Variants in KCNAB1 observed in about 807,000 individuals in gnomAD.
KCNAB1 encodes the protein potassium voltage-gated channel subfamily A regulatory beta subunit 1.
KCNAB1 carries 35 observed loss-of-function variants against 64.6 expected under a neutral mutation model. The observed-to-expected ratio is 0.54, with a 90% CI of 0.41 to 0.72. The LOEUF (loss-of-function observed/expected upper bound fraction) is 0.72. Ranked by LOEUF, KCNAB1 falls within the 30% of genes least tolerant of loss-of-function variation. KCNAB1 has a pLI of 0.00. For synonymous variants in KCNAB1, 177 were observed against 183.8 expected (o/e 0.96, Z 0.30); for missense variants, 401 against 512.9 (o/e 0.78, Z 2.11).
At chr3:156,397,061 G>T (rs1314527363) in intron 1 of KCNAB1, among the ~76,000 whole-genome samples, 1 of 152,214 alleles carries the variant, frequency 6.6e-6, no homozygotes, top group Non-Finnish European at 1.5e-5. Flanking sequence ...GTTCCTTGAA[G>T]CAAGAGAACA....
In KCNAB1 at chr3:156,536,735, C is replaced by A; in HGVS notation, c.1248C>A (p.Asp416Glu). The change falls in exon 14 of 14, where the codon GAC (aspartate) becomes GAA (glutamate). Residue 416 changes from aspartate to glutamate, a missense_variant. Coordinates refer to ENST00000490337, the MANE Select transcript of KCNAB1 (RefSeq NM_172160.3). The part of the protein sequence containing the change: ...ILRNKPYSKK[D>E]YRS ...GCAACAAGCCCTACAGCAAGAAGGA[C>A]TATAGATCATAAGGCAATGCATGAA... The A allele has an allele frequency of 6.2e-7, 1 of 1,607,478 alleles. No individual in the cohort carries two copies. The highest frequency in any genetic ancestry group is 8.5e-7 in the Non-Finnish European group (1 of 1,173,936).
At chr3:156,290,959 C>A (rs1720366076) in intron 1 of KCNAB1, 2 of 985,168 alleles carry the variant, frequency 2.0e-6, no homozygotes, top group African/African-American at 3.5e-5. Context: ...TGTGTTTCAG[C>A]AAGCCAGTCA....
At chr3:156,323,756 C>T (rs1253397523) in intron 1 of KCNAB1, among the ~76,000 whole-genome samples, 1 of 152,138 alleles carries the variant, frequency 6.6e-6, no homozygotes, top group Non-Finnish European at 1.5e-5. Flanking sequence ...CATACCTTGA[C>T]TTTTCTTGGT....
chr3:156,285,866 A>G (rs1183137156), intron 1 of KCNAB1, among the ~76,000 whole-genome samples: 1 of 152,218 alleles, frequency 6.6e-6, no homozygotes, highest in African/African-American at 2.4e-5. Flanking sequence ...TTGAGCATAT[A>G]AAGTGTTATG....
chr3:156,356,268 T>C (rs1283520132), intron 1 of KCNAB1, among the ~76,000 whole-genome samples: 2 of 152,130 alleles, frequency 1.3e-5, no homozygotes, highest in Non-Finnish European at 1.5e-5. Context: ...TCATAATGCA[T>C]AACTTATGGA....
At chr3:156,192,181 CG>C (rs1261190522) in intron 1 of KCNAB1, among the ~76,000 whole-genome samples, 1 of 152,104 alleles carries the variant, frequency 6.6e-6, no homozygotes, top group Non-Finnish European at 1.5e-5. Context: ...TCCATGTTGT[CG>C]CCTGTAGCAT....
chr3:156,464,083 A>G (rs1329814026), intron 6 of KCNAB1, among the ~76,000 whole-genome samples: 1 of 152,186 alleles, frequency 6.6e-6, no homozygotes, highest in African/African-American at 2.4e-5. Context: ...CACAGAAGAA[A>G]AGTCACTCAA....
At chr3:156,495,853 T>C (rs1017738988) in intron 8 of KCNAB1, among the ~76,000 whole-genome samples, 1 of 152,118 alleles carries the variant, frequency 6.6e-6, no homozygotes, top group African/African-American at 2.4e-5. Context: ...ACCCTTAATA[T>C]TAATGTAAGG....
At chr3:156,227,396 A>G (rs142142160) in intron 1 of KCNAB1, among the ~76,000 whole-genome samples, 64 of 152,366 alleles carry the variant, frequency 4.2e-4, no homozygotes, top group Non-Finnish European at 7.2e-4. Flanking sequence ...TGAAATCACA[A>G]TCAATGTTGC....
At chr3:156,312,411 A>G (rs1252322157) in intron 1 of KCNAB1, among the ~76,000 whole-genome samples, 2 of 152,194 alleles carry the variant, frequency 1.3e-5, no homozygotes, top group Non-Finnish European at 2.9e-5. Flanking sequence ...TTTCCCCAAA[A>G]TATGTAAGTA....
intron 1 of KCNAB1, among the ~76,000 whole-genome samples, chr3:156,359,662 A>G (rs1725477234): frequency 6.6e-6 from 1 of 152,194 alleles, no homozygotes; most frequent in Non-Finnish European, 1.5e-5. Context: ...GGTATGCACC[A>G]TTATGTGAAT....
intron 8 of KCNAB1, among the ~76,000 whole-genome samples, chr3:156,476,520 TATACACACAC>T (rs1229347043): frequency 5.4e-5 from 6 of 111,264 alleles, no homozygotes; most frequent in Non-Finnish European, 1.1e-4. Context: ...TATATATATA[TATACACACAC>T]ACACACACAC....
At chr3:156,355,906 C>G (rs1026684685) in intron 1 of KCNAB1, among the ~76,000 whole-genome samples, 2 of 151,930 alleles carry the variant, frequency 1.3e-5, no homozygotes, top group African/African-American at 4.8e-5. Flanking sequence ...CGCTTGAACC[C>G]AGGAGTTCAA....
At chr3:156,526,419 T>C (rs1718313386) in intron 12 of KCNAB1, among the ~76,000 whole-genome samples, 1 of 152,192 alleles carries the variant, frequency 6.6e-6, no homozygotes, top group Non-Finnish European at 1.5e-5. Context: ...TTTAACCCAA[T>C]ATAGCCAAAA....
intron 1 of KCNAB1, among the ~76,000 whole-genome samples, chr3:156,325,290 C>T (rs1324129874): frequency 6.6e-6 from 1 of 152,136 alleles, no homozygotes; most frequent in Non-Finnish European, 1.5e-5. Context: ...CTTTGCAGTA[C>T]AGTCATAATT....
intron 1 of KCNAB1, among the ~76,000 whole-genome samples, chr3:156,290,208 C>T (rs1040812199): frequency 6.6e-6 from 1 of 152,170 alleles, no homozygotes; most frequent in African/African-American, 2.4e-5. Flanking sequence ...TTAGTCAGAC[C>T]CTTTAAGGCT....
At position 156,421,634 on chromosome 3, in the gene KCNAB1, A is replaced by G; in HGVS notation, c.294A>G (p.Gly98=). The G allele has an allele frequency of 6.2e-7, 1 of 1,613,980 alleles. No homozygotes were observed. The highest frequency in any genetic ancestry group is 8.5e-7 in the Non-Finnish European group (1 of 1,179,922). The change falls in exon 2 of 14, where the codon GGA becomes GGG. Residue 98 remains glycine, a synonymous_variant. Coordinates refer to ENST00000490337, the MANE Select transcript of KCNAB1 (RefSeq NM_172160.3). ...GMPHRNLGKS[G]LRVSCLGLGT... is the part of the protein sequence containing the mutation. ...ATTATAGGAATCTTGGAAAATCAGG[A>G]CTCAGAGTTTCTTGCTTGGGTCTTG...
chr3:156,465,665 T>A lies in KCNAB1; in HGVS notation c.550T>A (p.Ser184Thr). 1 of 1,613,496 alleles carries A rather than the reference T, an allele frequency of 6.2e-7. No individual in the cohort carries two copies. Among genetic ancestry groups the A allele is most frequent in the South Asian group, 1.1e-5 (1 of 91,050 alleles). ...CAGAGCTGAAACAGAAAGAGGGCTG[T>A]CAAGAAAGCATATTATTGAAGGTGG... is the stretch of plus-strand genomic sequence containing the variant. ...GGKAETERGL[S>T]RKHIIEGLKG... The change falls in exon 7 of 14, where the codon TCA becomes ACA. Residue 184 changes from serine (S) to threonine (T), a missense_variant. Coordinates refer to ENST00000490337, the MANE Select transcript of KCNAB1 (RefSeq NM_172160.3).
chr3:156,415,090 A>C (rs1276098021), intron 1 of KCNAB1, among the ~76,000 whole-genome samples: 2 of 152,204 alleles, frequency 1.3e-5, no homozygotes, highest in Non-Finnish European at 2.9e-5. Flanking sequence ...TGCAATGTCT[A>C]AGCACAAATT....
Sources: gnomAD v4.1 joint callset for allele counts (sites outside exome capture counted in the v4.1 genomes callset) on GRCh38, gnomAD v4.1.1 for gene constraint, MANE v1.5 for transcripts, NCBI Gene and HGNC (gene_info 2026-07-23, HGNC 2026-07-21) for gene names.